Variants in MAD1L1 observed in about 807,000 individuals in gnomAD.
MAD1L1 encodes the protein mitotic arrest deficient 1 like 1, also known as mitotic spindle assembly checkpoint protein MAD1.
A neutral mutation model predicts 96.9 loss-of-function variants in MAD1L1; 95 were observed. That is an observed-to-expected ratio of 0.98 (90% CI 0.83 to 1.16). The LOEUF (loss-of-function observed/expected upper bound fraction) is 1.16, where lower values mean the gene tolerates loss of function less well. MAD1L1 is among the 50% of genes most tolerant of loss of function. The pLI is 0.00. For missense variants in MAD1L1, 1,007 were observed against 954.4 expected (o/e 1.06, Z -0.73); for synonymous variants, 473 against 396.6 (o/e 1.19, Z -2.29).
intron 11 of MAD1L1, among the ~76,000 whole-genome samples, chr7:2,086,018 G>A (rs1030233410): frequency 1.3e-5 from 2 of 152,164 alleles, no homozygotes; most frequent in East Asian, 1.9e-4. Flanking sequence ...CATCACCTCC[G>A]TGCGCAGCTC....
intron 13 of MAD1L1, among the ~76,000 whole-genome samples, chr7:2,006,752 G>A (rs1038808320): frequency 2.0e-5 from 3 of 152,062 alleles, no homozygotes; most frequent in Non-Finnish European, 4.4e-5. Flanking sequence ...AGAGACCCAA[G>A]ACGACGCTCT....
At chr7:1,825,463 T>G (rs1463584526) in intron 18 of MAD1L1, among the ~76,000 whole-genome samples, 5 of 152,230 alleles carry the variant, frequency 3.3e-5, no homozygotes, top group African/African-American at 1.2e-4. Flanking sequence ...GTGGCGCTGG[T>G]CAGGTGGCCA....
At chr7:1,999,777 C>T (rs1781710043) in intron 14 of MAD1L1, among the ~76,000 whole-genome samples, 1 of 152,250 alleles carries the variant, frequency 6.6e-6, no homozygotes, top group Admixed American at 6.5e-5. Context: ...TGACCAGGCC[C>T]TTCTGGGCCT....
chr7:1,841,505 G>A (rs1783255340), intron 18 of MAD1L1, among the ~76,000 whole-genome samples: 1 of 152,172 alleles, frequency 6.6e-6, no homozygotes, highest in Non-Finnish European at 1.5e-5. Context: ...TCCTGACCTC[G>A]GCCTGGCCTC....
intron 12 of MAD1L1, among the ~76,000 whole-genome samples, chr7:2,048,178 G>T (rs964617704): frequency 6.6e-6 from 1 of 152,150 alleles, no homozygotes; most frequent in Admixed American, 6.5e-5. Context: ...TGAACACCCG[G>T]GTGCACGCAT....
intron 18 of MAD1L1, among the ~76,000 whole-genome samples, chr7:1,853,482 T>A (rs562994258): frequency 6.6e-6 from 1 of 152,056 alleles, no homozygotes; most frequent in Non-Finnish European, 1.5e-5. Context: ...CAGAAGCAGG[T>A]GACAGCAGAC....
intron 11 of MAD1L1, among the ~76,000 whole-genome samples, chr7:2,084,469 G>A (rs1037875030): frequency 9.2e-5 from 14 of 152,378 alleles, no homozygotes; most frequent in African/African-American, 2.4e-4. Context: ...CAGACGTGCC[G>A]GGGACGAGGG....
chr7:1,957,264 G>A (rs1240801220), intron 16 of MAD1L1, among the ~76,000 whole-genome samples: 2 of 152,260 alleles, frequency 1.3e-5, no homozygotes, highest in Non-Finnish European at 1.5e-5. Flanking sequence ...AGGGCTTCCT[G>A]CCATGCAGCA....
intron 18 of MAD1L1, chr7:1,817,453 G>GT (rs1781873765): frequency 6.6e-6 from 1 of 152,206 alleles, no homozygotes; most frequent in African/African-American, 2.4e-5. Context: ...ACAAAACCGG[G>GT]TTTACCCGTC....
intron 18 of MAD1L1, chr7:1,848,173 C>T (rs777579915): frequency 4.4e-5 from 9 of 205,904 alleles, no homozygotes; most frequent in Non-Finnish European, 5.9e-5. Context: ...ACAACACTCA[C>T]GCCTGCTGCA....
rs184628291 is a variant in MAD1L1 at position 2,073,684 on chromosome 7, G to A, written c.1074-4346C>T. On this transcript the variant is annotated intron_variant, in intron 11 of 18. Transcript: ENST00000265854. ...GTGGCTGCAGGATGTAGCGTGAAGC[G>A]TGTGTTCTGCAGCACCCCAGAGGGT... Among the ~76,000 whole-genome samples, 25 of 152,350 alleles carry A rather than the reference G, an allele frequency of 1.6e-4. 1 individual carries two copies. Among genetic ancestry groups the A allele is most frequent in the South Asian group, 4.1e-4 (2 of 4,832 alleles).
At chr7:1,908,575 T>C (rs546504358) in intron 17 of MAD1L1, among the ~76,000 whole-genome samples, 7 of 152,254 alleles carry the variant, frequency 4.6e-5, no homozygotes, top group Admixed American at 1.3e-4. Flanking sequence ...GGTCTTTCTA[T>C]GTTGCCCAGG....
intron 18 of MAD1L1, among the ~76,000 whole-genome samples, chr7:1,869,906 C>T (rs1285230746): frequency 6.6e-6 from 1 of 152,198 alleles, no homozygotes; most frequent in Non-Finnish European, 1.5e-5. Context: ...ACAAGGCAGG[C>T]TGTGAGCCCA....
intron 18 of MAD1L1, among the ~76,000 whole-genome samples, chr7:1,836,448 T>A (rs1782940999): frequency 6.6e-6 from 1 of 152,230 alleles, no homozygotes; most frequent in African/African-American, 2.4e-5. Flanking sequence ...TCTCATCTTG[T>A]GACTACGAAC....
chr7:2,213,214 G>A lies in MAD1L1; in HGVS notation c.984C>T (p.Ile328=), dbSNP rs749569511. The change falls in exon 10 of 19, where the codon ATC becomes ATT. Residue 328 remains isoleucine, a splice_region_variant and synonymous_variant. Transcript: ENST00000265854. ...ERLDQTMGLS[I]RTPEDLSRFV... ...CGGAGACACCTGCCCTTCCCTACCT[G>A]ATGCTCAGGCCCATGGTCTGGTCCA... The A allele has an allele frequency of 7.4e-6, 12 of 1,614,020 alleles. No individual in the cohort carries two copies. In the African/African-American group the frequency reaches 1.3e-4, roughly 18 times the overall value.
At chr7:2,184,337 A>G (rs1021818219) in intron 10 of MAD1L1, among the ~76,000 whole-genome samples, 1 of 152,208 alleles carries the variant, frequency 6.6e-6, no homozygotes, top group Non-Finnish European at 1.5e-5. Flanking sequence ...CGTGAGTTAA[A>G]GCCAAAAGTC....
At chr7:1,872,354 C>T (rs1327194009) in intron 18 of MAD1L1, among the ~76,000 whole-genome samples, 2 of 152,192 alleles carry the variant, frequency 1.3e-5, no homozygotes, top group African/African-American at 2.4e-5. Flanking sequence ...AGTGAGGCCC[C>T]TGGTCCAGGT....
At chr7:1,848,492 G>T (rs997615002) in intron 18 of MAD1L1, 1 of 152,352 alleles carries the variant, frequency 6.6e-6, no homozygotes, top group Non-Finnish European at 1.5e-5. Flanking sequence ...CACCGGGCCC[G>T]GCTGTGCTTT....
intron 9 of MAD1L1, among the ~76,000 whole-genome samples, chr7:2,214,856 G>A (rs1351602601): frequency 6.6e-6 from 1 of 152,202 alleles, no homozygotes; most frequent in African/African-American, 2.4e-5. Flanking sequence ...GATCCTCACA[G>A]TGCCACACGC....
Sources: gnomAD v4.1 joint callset for allele counts (sites outside exome capture counted in the v4.1 genomes callset) on GRCh38, gnomAD v4.1.1 for gene constraint, MANE v1.5 for transcripts, NCBI Gene and HGNC (gene_info 2026-07-23, HGNC 2026-07-21) for gene names.